Variants in CERKL observed in about 807,000 individuals in gnomAD.
The protein encoded by CERKL is CERK like autophagy regulator.
A neutral mutation model predicts 63.4 loss-of-function variants in CERKL; 61 were observed. The ratio of observed to expected loss-of-function variants is 0.96; its 90% CI spans 0.78 to 1.19. CERKL has a LOEUF of 1.19. Among genes scored for constraint, CERKL ranks in the 50% most tolerant of loss-of-function variants. The pLI is 0.00. For missense variants in CERKL, 675 were observed against 655.5 expected, an observed-to-expected ratio of 1.03 and a Z score of -0.33; for synonymous variants, 250 against 230.5, an observed-to-expected ratio of 1.08 and a Z score of -0.77.
At chr2:181,584,589 G>T (rs1471376365) in intron 2 of CERKL, among the ~76,000 whole-genome samples, 5 of 151,920 alleles carry the variant, frequency 3.3e-5, no homozygotes, top group African/African-American at 1.2e-4. Context: ...CTGGAAAAAT[G>T]AATCCAAAGT....
At chr2:181,555,131 A>G (rs1688149468) in intron 5 of CERKL, among the ~76,000 whole-genome samples, 1 of 152,194 alleles carries the variant, frequency 6.6e-6, no homozygotes, top group African/African-American at 2.4e-5. Flanking sequence ...AAACATAAGA[A>G]TAACCACCAG....
At chr2:181,604,255 T>G (rs1685583917) in intron 1 of CERKL, among the ~76,000 whole-genome samples, 176 bp from the exon 2 acceptor site, 1 of 152,062 alleles carries the variant, frequency 6.6e-6, no homozygotes, top group African/African-American at 2.4e-5. Context: ...CAAACCCCCA[T>G]GACACAAATG....
chr2:181,628,535 T>C (rs763019072), intron 1 of CERKL, among the ~76,000 whole-genome samples: 9 of 152,128 alleles, frequency 5.9e-5, no homozygotes, highest in Non-Finnish European at 1.2e-4. Flanking sequence ...CCCCCAAAGA[T>C]TAGTCCAAAG....
intron 5 of CERKL, among the ~76,000 whole-genome samples, chr2:181,556,337 C>T (rs1688204897): frequency 6.6e-6 from 1 of 151,988 alleles, no homozygotes; most frequent in African/African-American, 2.4e-5. Flanking sequence ...TGGTGTGCTG[C>T]ACCCATTAAC....
At chr2:181,607,569 C>G (rs2105899836) in intron 1 of CERKL, among the ~76,000 whole-genome samples, 1 of 152,290 alleles carries the variant, frequency 6.6e-6, no homozygotes, top group East Asian at 1.9e-4. Context: ...ATAGTATATG[C>G]AAAGGAAACC....
At position 181,548,610 on chromosome 2, in the gene CERKL, A is replaced by G. The variant is rs200179024; in HGVS notation, c.1074-6T>C. 134 of 1,612,980 alleles carry G rather than the reference A, an allele frequency of 8.3e-5. No individual in the cohort carries two copies. The highest frequency in any genetic ancestry group is 4.9e-4 in the Middle Eastern group (3 of 6,082). ...ATATTTCACAGTCTTCTGCCCTAAA[A>G]TGTAATGAAATTTGTTATTAACAGT... On this transcript the variant is annotated splice_polypyrimidine_tract_variant and splice_region_variant and intron_variant, in intron 7 of 12. Coordinates refer to ENST00000410087, the MANE Select transcript of CERKL (RefSeq NM_201548.5).
In CERKL at chr2:181,572,780, C is replaced by CTTTTT. The variant is rs5836800; in HGVS notation, c.613+968_613+972dup. On this transcript the variant is annotated intron_variant, in intron 3 of 12. Transcript: ENST00000410087. ...GGGGCTGACCTTCCTACAAAACTTG[C>CTTTTT]TTTTTTTTTTTTTTTGAACTTTCTT... Among the ~76,000 whole-genome samples, 16 of 131,194 alleles carry CTTTTT rather than the reference C, an allele frequency of 1.2e-4. 1 individual carries two copies. The highest frequency in any genetic ancestry group is 2.2e-4 in the East Asian group (1 of 4,648). 86.1% of individuals were successfully genotyped at this position (131,194 alleles called of 152,430 possible). A position where few individuals can be genotyped will look rare whatever the true frequency, so the allele number is the denominator to read the frequency against.
chr2:181,538,855 C>G (rs981438117), intron 12 of CERKL, among the ~76,000 whole-genome samples: 17 of 152,078 alleles, frequency 1.1e-4, no homozygotes, highest in African/African-American at 2.7e-4. Flanking sequence ...AATTAGAAAG[C>G]CAATGTAGAC....
At chr2:181,609,973 C>T (rs895397490) in intron 1 of CERKL, among the ~76,000 whole-genome samples, 8 of 151,840 alleles carry the variant, frequency 5.3e-5, no homozygotes, top group Non-Finnish European at 8.8e-5. Context: ...TAGAAATTTA[C>T]GTAACCTTAA....
rs541168268 is a variant in CERKL at position 181,622,516 on chromosome 2, G to A, written c.239-18437C>T. Among the ~76,000 whole-genome samples, 132 of 152,232 alleles carry A rather than the reference G, an allele frequency of 8.7e-4. 1 individual carries two copies. The highest frequency in any genetic ancestry group is 1.6e-3 in the Non-Finnish European group (109 of 68,004). On this transcript the variant is annotated intron_variant, in intron 1 of 12. Coordinates refer to ENST00000410087, the MANE Select transcript of CERKL (RefSeq NM_201548.5). ...AAGAACATTTTCTTATGCAACTGAA[G>A]TACCACTAACAAAATAAATGAAGTC...
intron 1 of CERKL, among the ~76,000 whole-genome samples, chr2:181,622,901 G>A (rs1686516728): frequency 1.3e-5 from 2 of 152,182 alleles, no homozygotes; most frequent in Admixed American, 1.3e-4. Context: ...CTTTCTTACT[G>A]GAGAACTGTT....
At chr2:181,577,309 A>G (rs1029939958) in intron 2 of CERKL, among the ~76,000 whole-genome samples, 3 of 152,232 alleles carry the variant, frequency 2.0e-5, no homozygotes, top group African/African-American at 7.2e-5. Context: ...ACAGGACTGC[A>G]ACTAGTAGTG....
At chr2:181,610,003 C>A (rs1180817023) in intron 1 of CERKL, among the ~76,000 whole-genome samples, 2 of 151,878 alleles carry the variant, frequency 1.3e-5, no homozygotes, top group African/African-American at 4.8e-5. Context: ...CCGTAAGACA[C>A]AAAGGAAGAC....
intron 2 of CERKL, among the ~76,000 whole-genome samples, chr2:181,588,832 T>C (rs551738969): frequency 5.3e-5 from 8 of 152,346 alleles, no homozygotes; most frequent in Admixed American, 1.3e-4. Context: ...ATTTCCCTGA[T>C]TGTTAGTGAT....
chr2:181,655,168 A>G (rs1467175783), intron 1 of CERKL, among the ~76,000 whole-genome samples: 2 of 118,480 alleles, frequency 1.7e-5, no homozygotes, highest in Non-Finnish European at 3.4e-5. Context: ...TAAAGTTACA[A>G]ATCTGTCAAG....
intron 1 of CERKL, among the ~76,000 whole-genome samples, chr2:181,617,964 G>T (rs939245335): frequency 2.0e-5 from 3 of 152,178 alleles, no homozygotes; most frequent in Non-Finnish European, 4.4e-5. Flanking sequence ...CAACAGACTG[G>T]ATGAAGAAGC....
At chr2:181,547,195 C>A (rs936588418) in intron 10 of CERKL, among the ~76,000 whole-genome samples, 1 of 152,082 alleles carries the variant, frequency 6.6e-6, no homozygotes, top group Non-Finnish European at 1.5e-5. Flanking sequence ...ATGTCTTTAT[C>A]AGCAGCATGA....
intron 12 of CERKL, among the ~76,000 whole-genome samples, chr2:181,538,546 C>T (rs1687323238): frequency 6.6e-6 from 1 of 152,274 alleles, no homozygotes; most frequent in Non-Finnish European, 1.5e-5. Context: ...TTCTTCTAAC[C>T]ACTGAGTGTC....
intron 2 of CERKL, among the ~76,000 whole-genome samples, chr2:181,574,648 C>A (rs972691965): frequency 5.3e-5 from 8 of 152,058 alleles, no homozygotes; most frequent in Admixed American, 1.3e-4. Context: ...TAGGAAGGGG[C>A]AGGAGGGACT....
Sources: gnomAD v4.1 joint callset for allele counts (sites outside exome capture counted in the v4.1 genomes callset) on GRCh38, gnomAD v4.1.1 for gene constraint, MANE v1.5 for transcripts, NCBI Gene and HGNC (gene_info 2026-07-23, HGNC 2026-07-21) for gene names.